The following L3MBTL4 variants were observed in gnomAD, a reference collection of about 807,000 sequenced individuals.
L3MBTL4 encodes the protein L3MBTL histone methyl-lysine binding protein 4.
A neutral mutation model predicts 84.5 loss-of-function variants in L3MBTL4; 70 were observed. The observed-to-expected ratio is 0.83, with a 90% CI of 0.68 to 1.01. The LOEUF (loss-of-function observed/expected upper bound fraction) is 1.01. Ranked by LOEUF, L3MBTL4 falls within the 50% of genes least tolerant of loss-of-function variation. L3MBTL4 has a pLI of 0.00. For synonymous variants in L3MBTL4, 274 were observed against 259.8 expected (o/e 1.05, Z -0.52); for missense variants, 715 against 754.8 (o/e 0.95, Z 0.62).
intron 4 of L3MBTL4, among the ~76,000 whole-genome samples, chr18:6,293,524 A>G (rs2146726452): frequency 6.6e-6 from 1 of 152,330 alleles, no homozygotes; most frequent in South Asian, 2.1e-4. Flanking sequence ...CCATTAAGAA[A>G]TAAATAAAAA....
At chr18:6,120,275 C>T (rs1258156162) in intron 14 of L3MBTL4, among the ~76,000 whole-genome samples, 3 of 152,164 alleles carry the variant, frequency 2.0e-5, no homozygotes, top group Admixed American at 1.3e-4. Context: ...GGCCTGCTTG[C>T]TAATGGCCTT....
At chr18:6,063,843 A>C (rs2057316816) in intron 16 of L3MBTL4, among the ~76,000 whole-genome samples, 1 of 152,072 alleles carries the variant, frequency 6.6e-6, no homozygotes, top group Admixed American at 6.6e-5. Context: ...TTTGTTGCAC[A>C]GACACTTTTT....
At chr18:6,068,501 C>CT (rs1280600274) in intron 16 of L3MBTL4, among the ~76,000 whole-genome samples, 1 of 152,140 alleles carries the variant, frequency 6.6e-6, no homozygotes, top group African/African-American at 2.4e-5. Context: ...AGTATTCCAG[C>CT]TATTCAGATC....
intron 1 of L3MBTL4, among the ~76,000 whole-genome samples, chr18:6,381,487 G>A (rs2054593402): frequency 6.6e-6 from 1 of 152,236 alleles, no homozygotes; most frequent in Non-Finnish European, 1.5e-5. Flanking sequence ...TCCTTTCCAT[G>A]TTTAGTGCTT....
At chr18:6,092,176 CAG>C (rs1421773611) in intron 15 of L3MBTL4, among the ~76,000 whole-genome samples, 1 of 152,134 alleles carries the variant, frequency 6.6e-6, no homozygotes, top group Non-Finnish European at 1.5e-5. Context: ...GTCATGTGCA[CAG>C]AGATCAAGTC....
At chr18:6,032,599 G>A (rs1297676047) in intron 16 of L3MBTL4, among the ~76,000 whole-genome samples, 3 of 151,658 alleles carry the variant, frequency 2.0e-5, no homozygotes, top group Admixed American at 6.6e-5. Context: ...TAAGTATATA[G>A]TTCAGTGGTA....
chr18:5,999,771 G>A (rs1225449107), intron 16 of L3MBTL4, among the ~76,000 whole-genome samples: 1 of 152,230 alleles, frequency 6.6e-6, no homozygotes. Context: ...AGGGCTGAGT[G>A]GTGGCCGATC....
chr18:6,404,890 G>A lies in L3MBTL4; in HGVS notation c.-91+9911C>T, dbSNP rs148081493. On this transcript the variant is annotated intron_variant, in intron 1 of 18. Coordinates refer to ENST00000317931, the MANE Select transcript of L3MBTL4 (RefSeq NM_001330559.2). ...TTTTGAAGAGACGAAGTCTCACTAT[G>A]TTGCCCACGTTGCCAGGCTGGTCTT... 8.1e-4 allele frequency among the ~76,000 whole-genome samples: 121 copies of A among 149,644 alleles called. 3 individuals are homozygous for A. The East Asian group carries it at 0.022, about 27-fold the overall frequency.
chr18:6,053,445 T>C (rs1477368295), intron 16 of L3MBTL4, among the ~76,000 whole-genome samples: 3 of 152,168 alleles, frequency 2.0e-5, no homozygotes. Flanking sequence ...GGGAAGGCCC[T>C]CATGCACATT....
chr18:6,341,877 T>C (rs2052623738), intron 1 of L3MBTL4, among the ~76,000 whole-genome samples: 1 of 150,400 alleles, frequency 6.6e-6, no homozygotes, highest in Non-Finnish European at 1.5e-5. Context: ...AAAAAGAAGT[T>C]TGAAAGTAGT....
At chr18:6,382,041 T>C (rs553527520) in intron 1 of L3MBTL4, among the ~76,000 whole-genome samples, 1 of 152,296 alleles carries the variant, frequency 6.6e-6, no homozygotes, top group South Asian at 2.1e-4. Flanking sequence ...TTTTTATTCT[T>C]TTCTCTCTAA....
chr18:5,986,368 C>A (rs558934249), intron 16 of L3MBTL4, among the ~76,000 whole-genome samples: 2 of 152,164 alleles, frequency 1.3e-5, no homozygotes, highest in Admixed American at 1.3e-4. Flanking sequence ...GAATCAAACC[C>A]GGAACCTGAC....
At chr18:5,981,436 A>T (rs1235821975) in intron 16 of L3MBTL4, among the ~76,000 whole-genome samples, 1 of 152,156 alleles carries the variant, frequency 6.6e-6, no homozygotes, top group African/African-American at 2.4e-5. Context: ...ACAATGAATG[A>T]CACTAACTTT....
intron 5 of L3MBTL4, among the ~76,000 whole-genome samples, chr18:6,245,308 AAT>A (rs2146174297): frequency 6.6e-6 from 1 of 152,268 alleles, no homozygotes; most frequent in Non-Finnish European, 1.5e-5. Context: ...TCATTATGTT[AAT>A]ATGCTTTGAA....
At chr18:6,115,810 A>C (rs959611270) in intron 14 of L3MBTL4, among the ~76,000 whole-genome samples, 1 of 152,200 alleles carries the variant, frequency 6.6e-6, no homozygotes, top group Admixed American at 6.5e-5. Flanking sequence ...ACCTGTGTAC[A>C]TCAGAGCCAC....
intron 16 of L3MBTL4, among the ~76,000 whole-genome samples, chr18:6,000,568 C>T (rs570603096): frequency 1.3e-5 from 2 of 152,254 alleles, no homozygotes; most frequent in Admixed American, 1.3e-4. Flanking sequence ...TGATTCAACA[C>T]ATACATAATT....
intron 1 of L3MBTL4, among the ~76,000 whole-genome samples, chr18:6,350,871 A>T (rs576731667): frequency 1.3e-5 from 2 of 152,298 alleles, no homozygotes; most frequent in South Asian, 4.1e-4. Context: ...GTATAAACAT[A>T]CAATGGAATA....
At chr18:6,307,801 G>T (rs1279926118) in intron 3 of L3MBTL4, among the ~76,000 whole-genome samples, 4 of 152,212 alleles carry the variant, frequency 2.6e-5, no homozygotes, top group Non-Finnish European at 5.9e-5. Context: ...TTCACAGGGA[G>T]AGGGAGAATG....
chr18:6,266,748 A>AC (rs2048651119), intron 4 of L3MBTL4, among the ~76,000 whole-genome samples: 1 of 151,992 alleles, frequency 6.6e-6, no homozygotes, highest in Non-Finnish European at 1.5e-5. Context: ...ACATGGTGAA[A>AC]CCCCATCTCT....
Sources: gnomAD v4.1 joint callset for allele counts (sites outside exome capture counted in the v4.1 genomes callset) on GRCh38, gnomAD v4.1.1 for gene constraint, MANE v1.5 for transcripts, NCBI Gene and HGNC (gene_info 2026-07-23, HGNC 2026-07-21) for gene names.